The following DNAAF4 variants were observed in gnomAD, a reference collection of about 807,000 sequenced individuals.
The protein encoded by DNAAF4 is dynein axonemal assembly factor 4.
DNAAF4 carries 43 observed loss-of-function variants against 51.8 expected under a neutral mutation model. The observed-to-expected ratio is 0.83, with a 90% CI of 0.65 to 1.07. The LOEUF (loss-of-function observed/expected upper bound fraction) is 1.07. Ranked by LOEUF, DNAAF4 falls within the 50% of genes least tolerant of loss-of-function variation. DNAAF4 has a pLI of 0.00. For synonymous variants in DNAAF4, 194 were observed against 165.6 expected, an observed-to-expected ratio of 1.17 and a Z score of -1.32; for missense variants, 581 against 493.0, an observed-to-expected ratio of 1.18 and a Z score of -1.69.
intron 4 of DNAAF4, among the ~76,000 whole-genome samples, chr15:55,482,165 C>T (rs2058420456): frequency 6.6e-6 from 1 of 152,026 alleles, no homozygotes. Context: ...GTTTAATGTG[C>T]CAAGAACTGG....
intron 4 of DNAAF4, among the ~76,000 whole-genome samples, chr15:55,478,091 C>G (rs771731499): frequency 6.6e-6 from 1 of 152,174 alleles, no homozygotes; most frequent in South Asian, 2.1e-4. Flanking sequence ...TGTCCAGGAA[C>G]ATCATCATTA....
intron 4 of DNAAF4, among the ~76,000 whole-genome samples, chr15:55,473,231 G>GTA (rs111418694): frequency 6.1e-5 from 6 of 98,348 alleles, no homozygotes; most frequent in Admixed American, 1.2e-4. Flanking sequence ...ATGTGTGTGT[G>GTA]TATATATATA....
Position 55,469,474 on chromosome 15 carries a change from C to CTTTTTTT in DNAAF4, c.406-2320_406-2314dup, listed in dbSNP as rs1162485238. ...TGGGTTTCTCCTATGCTTACCAATT[C>CTTTTTTT]TTTTTTTTTTTTTTTTTTTTTTTTT... On this transcript the variant is annotated intron_variant, in intron 4 of 9. Transcript: ENST00000321149. Among the ~76,000 whole-genome samples the CTTTTTTT allele has an allele frequency of 1.0e-3, 66 of 66,274 alleles. 16 individuals are homozygous for CTTTTTTT. Among genetic ancestry groups the CTTTTTTT allele is most frequent in the African/African-American group, 1.7e-3 (27 of 15,686 alleles). The allele number at this position is 66,274 out of a possible 152,430, so 43.5% of individuals were successfully genotyped here.
At chr15:55,497,974 A>G in intron 2 of DNAAF4, 115 bp from the exon 3 acceptor site, 1 of 1,399,968 alleles carries the variant, frequency 7.1e-7, no homozygotes, top group South Asian at 1.4e-5. Context: ...AATTTATGCC[A>G]GGTAGTGAAA....
chr15:55,472,823 T>C lies in DNAAF4; in HGVS notation c.406-5662A>G, dbSNP rs184848996. Among the ~76,000 whole-genome samples the C allele has an allele frequency of 4.7e-3, 712 of 152,218 alleles. 11 individuals are homozygous for C. The highest frequency in any genetic ancestry group is 6.6e-3 in the East Asian group (34 of 5,176). ...GTCTGGTCAACAAGGCATTGTTCTT[T>C]ATAAGCCAATCCCACTTGTGAATTA... On this transcript the variant is annotated intron_variant, in intron 4 of 9. Coordinates refer to ENST00000321149, the MANE Select transcript of DNAAF4 (RefSeq NM_130810.4).
intron 7 of DNAAF4, among the ~76,000 whole-genome samples, chr15:55,436,389 T>C (rs2057611166): frequency 6.6e-6 from 1 of 152,112 alleles, no homozygotes; most frequent in Non-Finnish European, 1.5e-5. Flanking sequence ...ATTTTTTTAA[T>C]TATTATTATT....
chr15:55,469,336 A>AAAAG (rs1021680984), intron 4 of DNAAF4, among the ~76,000 whole-genome samples: 2 of 151,930 alleles, frequency 1.3e-5, no homozygotes, highest in African/African-American at 2.4e-5. Context: ...TCTCAAAAAA[A>AAAAG]AAAGAAAGAA....
At chr15:55,459,239 T>G (rs1351854563) in intron 5 of DNAAF4, among the ~76,000 whole-genome samples, 1 of 152,114 alleles carries the variant, frequency 6.6e-6, no homozygotes, top group Non-Finnish European at 1.5e-5. Flanking sequence ...GCTAAGAGTT[T>G]TGTATCCAGT....
At chr15:55,433,039 C>A (rs1389937701) in intron 8 of DNAAF4, among the ~76,000 whole-genome samples, 1 of 152,070 alleles carries the variant, frequency 6.6e-6, no homozygotes, top group Non-Finnish European at 1.5e-5. Flanking sequence ...GTGGCTCACG[C>A]CTGTAATTCC....
chr15:55,427,840 G>C (rs1325175045), downstream of DNAAF4, among the ~76,000 whole-genome samples: 1 of 151,756 alleles, frequency 6.6e-6, no homozygotes, highest in Non-Finnish European at 1.5e-5. Flanking sequence ...TCTCCATGTT[G>C]GTCAGGCTGG....
chr15:55,473,281 ATG>A (rs1170390725), intron 4 of DNAAF4, among the ~76,000 whole-genome samples: 2 of 112,830 alleles, frequency 1.8e-5, no homozygotes, highest in African/African-American at 4.2e-5. Flanking sequence ...GTGTATATAT[ATG>A]TGTATATATA....
At chr15:55,424,208 C>T (rs1221454083) in intron 7 of DNAAF4, among the ~76,000 whole-genome samples, 1 of 152,148 alleles carries the variant, frequency 6.6e-6, no homozygotes, top group Non-Finnish European at 1.5e-5. Flanking sequence ...GAGGGGAGTT[C>T]AGCCCCCTTT....
chr15:55,474,132 T>G (rs773346408), intron 4 of DNAAF4, among the ~76,000 whole-genome samples: 1 of 152,150 alleles, frequency 6.6e-6, no homozygotes, highest in African/African-American at 2.4e-5. Context: ...AATACAAATA[T>G]AGATTACAAG....
intron 6 of DNAAF4, among the ~76,000 whole-genome samples, chr15:55,447,124 T>C (rs1327664423): frequency 7.2e-6 from 1 of 139,620 alleles, no homozygotes; most frequent in Admixed American, 7.4e-5. Flanking sequence ...GCAGAGGCAC[T>C]CCTCACTTCC....
rs2057585493 is a variant in DNAAF4 at position 55,435,054 on chromosome 15, A to G, written c.898T>C (p.Leu300=). Residue 300 remains leucine (L), a synonymous_variant, in exon 8 of 10, where the codon TTG becomes CTG. Transcript: ENST00000321149. ...PEWLKDKGNK[L]FATENYLAAI... is the part of the protein sequence containing the mutation. ...GCCAAATAGTTTTCCGTTGCAAACA[A>G]TTTGCTAATGAGACAAAAACAGAGA... 1 of 1,587,920 alleles carries G rather than the reference A, an allele frequency of 6.3e-7. No individual in the cohort carries two copies. Among genetic ancestry groups the G allele is most frequent in the African/African-American group, 1.4e-5 (1 of 73,410 alleles).
downstream of DNAAF4, among the ~76,000 whole-genome samples, chr15:55,429,689 C>T (rs927077913): frequency 1.3e-5 from 2 of 151,264 alleles, no homozygotes; most frequent in Non-Finnish European, 2.9e-5. Flanking sequence ...TGGTGGCAGG[C>T]GCCTGTAGTC....
At chr15:55,494,407 G>A (rs531413602) in intron 3 of DNAAF4, among the ~76,000 whole-genome samples, 1 of 151,776 alleles carries the variant, frequency 6.6e-6, no homozygotes, top group Non-Finnish European at 1.5e-5. Flanking sequence ...TAAATTAGTG[G>A]TTTTTTATTT....
intron 7 of DNAAF4, among the ~76,000 whole-genome samples, chr15:55,438,513 G>T (rs1391872890): frequency 6.6e-6 from 1 of 151,910 alleles, no homozygotes; most frequent in Admixed American, 6.6e-5. Context: ...CCCACACCAG[G>T]GCTCATGCCT....
intron 5 of DNAAF4, among the ~76,000 whole-genome samples, chr15:55,452,825 A>G (rs1462166747): frequency 6.6e-6 from 1 of 152,226 alleles, no homozygotes; most frequent in Admixed American, 6.6e-5. Context: ...ATAGATTAAT[A>G]TCAATGGCTG....
Sources: allele counts gnomAD v4.1 joint callset (sites outside exome capture counted in the v4.1 genomes callset), GRCh38; gene constraint gnomAD v4.1.1; transcripts MANE v1.5; gene names NCBI Gene and HGNC (gene_info 2026-07-23, HGNC 2026-07-21).